Variants in CFLAR observed in about 807,000 individuals in gnomAD.
CFLAR encodes CASP8 and FADD-like apoptosis regulator.
CFLAR carries 14 observed loss-of-function variants against 51.1 expected under a neutral mutation model. The ratio of observed to expected loss-of-function variants is 0.27; its 90% CI spans 0.18 to 0.43. The LOEUF (loss-of-function observed/expected upper bound fraction) is 0.43, where lower values mean the gene tolerates loss of function less well. CFLAR is among the 20% of genes least tolerant of loss of function. The probability of loss-of-function intolerance (pLI) is 1.00; values close to 1 mark genes in which losing one functional copy is unlikely to be tolerated. For synonymous variants in CFLAR, 210 were observed against 211.6 expected, an observed-to-expected ratio of 0.99 and a Z score of 0.06; for missense variants, 390 against 566.5, an observed-to-expected ratio of 0.69 and a Z score of 3.16.
chr2:201,149,085 T>A, intron 7 of CFLAR, 33 bp downstream of exon 7: 1 of 1,414,400 alleles, frequency 7.1e-7, no homozygotes, highest in Non-Finnish European at 1.0e-6. Flanking sequence ...TGGTATTATA[T>A]GTACATAGCT....
chr2:201,156,201 C>T lies in CFLAR; in HGVS notation c.794-4231C>T, dbSNP rs770464696. On this transcript the variant is annotated intron_variant, in intron 8 of 9. Coordinates refer to ENST00000309955, the MANE Select transcript of CFLAR (RefSeq NM_003879.7). ...GGAACTTTGTAAAACAAGAGTTTTC[C>T]GGTCAAGTAAATTTGAGAAGCGCTG... Among the ~76,000 whole-genome samples the T allele has an allele frequency of 2.6e-5, 4 of 152,166 alleles. No individual in the cohort carries two copies. In the South Asian group the frequency reaches 6.2e-4, roughly 24 times the overall value.
chr2:201,137,099 A>C (rs2050227779), intron 4 of CFLAR: 1 of 179,030 alleles, frequency 5.6e-6, no homozygotes, highest in South Asian at 1.2e-4. Context: ...CTGAGGGGGC[A>C]GCGGCCTGGG....
In CFLAR at chr2:201,173,577, G is replaced by A. The variant is rs1372629677; in HGVS notation, c.*9604G>A. ...GGCTGGTCTCGAACTCCTGGCCTCA[G>A]GTGATCTGACTGCCTTGGCTTCCCA... On this transcript the variant is annotated 3_prime_UTR_variant, in exon 10 of 10. Transcript: ENST00000309955. 1 of 152,142 alleles carries A rather than the reference G, an allele frequency of 6.6e-6. No homozygotes were observed. The highest frequency in any genetic ancestry group is 2.4e-5 in the African/African-American group (1 of 41,408). 9.4% of individuals were successfully genotyped at this position (152,142 alleles called of 1,614,324 possible). A position where few individuals can be genotyped will look rare whatever the true frequency, so the allele number is the denominator to read the frequency against.
rs1379063436 is a variant in CFLAR at position 201,167,782 on chromosome 2, T to C, written c.*3809T>C. 6.6e-6 allele frequency: 1 copy of C among 152,202 alleles called. No homozygotes were observed. The highest frequency in any genetic ancestry group is 2.4e-5 in the African/African-American group (1 of 41,418). The allele number at this position is 152,202 out of a possible 1,614,324, so 9.4% of individuals were successfully genotyped here. ...GCCACACGTAGGGGTAGCTGGGTAG[T>C]GAGCAGCAAGAAGCCTTGTTGGATG... On this transcript the variant is annotated 3_prime_UTR_variant, in exon 10 of 10. Coordinates refer to ENST00000309955, the MANE Select transcript of CFLAR (RefSeq NM_003879.7).
Position 201,164,203 on chromosome 2 carries a change from C to A in CFLAR, c.*230C>A. 2 of 340,520 alleles carry A rather than the reference C, an allele frequency of 5.9e-6. No individual in the cohort carries two copies. The highest frequency in any genetic ancestry group is 5.4e-6 in the Non-Finnish European group (1 of 183,976). The allele number at this position is 340,520 out of a possible 1,614,324, so 21.1% of individuals were successfully genotyped here. A position where few individuals can be genotyped will look rare whatever the true frequency, so the allele number is the denominator to read the frequency against. On this transcript the variant is annotated 3_prime_UTR_variant, in exon 10 of 10. Transcript: ENST00000309955. Reference sequence around the variant, plus strand: ...TCTTTTGAACCCAGGAGTTCAGGGTCATAGCATGCTGTGATTGTGCCTACG... The same window carrying A: ...TCTTTTGAACCCAGGAGTTCAGGGTAATAGCATGCTGTGATTGTGCCTACG...
chr2:201,122,290 C>T (rs544898975), intron 1 of CFLAR, among the ~76,000 whole-genome samples: 1 of 152,380 alleles, frequency 6.6e-6, no homozygotes, highest in South Asian at 2.1e-4. Context: ...TTTAGAATCA[C>T]ATTGCAAGTC....
At position 201,140,365 on chromosome 2, in the gene CFLAR, G is replaced by A. The variant is rs766543869; in HGVS notation, c.532G>A (p.Ala178Thr). Residue 178 changes from alanine (A) to threonine (T), a missense_variant, in exon 5 of 10, where the codon GCA becomes ACA. By Grantham distance (58) the Ala-to-Thr change is moderately conservative. This residue lies in a region of CFLAR where 287 missense variants were observed against 363.6 expected (regional missense o/e 0.79). Coordinates refer to ENST00000309955, the MANE Select transcript of CFLAR (RefSeq NM_003879.7). ...CCCTTCTGCTTTTATAGTTCAAGGA[G>A]CAGGGACAAGTTACAGGAATGTTCT... ...IQKYKQSVQG[A>T]GTSYRNVLQA... 2 of 1,607,892 alleles carry A rather than the reference G, an allele frequency of 1.2e-6. No homozygotes were observed. The highest frequency in any genetic ancestry group is 2.7e-5 in the African/African-American group (2 of 74,660).
intron 1 of CFLAR, among the ~76,000 whole-genome samples, chr2:201,119,843 T>TG (rs551226019): frequency 2.2e-3 from 340 of 151,842 alleles, no homozygotes; most frequent in Non-Finnish European, 4.0e-3. Flanking sequence ...TTTAATGTTT[T>TG]TTTTTTTTTT....
At chr2:201,163,645 G>A in intron 9 of CFLAR, 190 bp from the exon 10 acceptor site, 1 of 1,390,382 alleles carries the variant, frequency 7.2e-7, no homozygotes, top group South Asian at 1.6e-5. Flanking sequence ...AGCCCCTTGA[G>A]GGAGGGGATG....
intron 1 of CFLAR, among the ~76,000 whole-genome samples, chr2:201,117,971 TC>T: frequency 6.6e-6 from 1 of 152,086 alleles, no homozygotes; most frequent in South Asian, 2.1e-4. Flanking sequence ...GTCAGTCTGG[TC>T]TCGAACTCCT....
chr2:201,129,851 T>C lies in CFLAR; in HGVS notation c.-15T>C. ...ACTGCAAGACCCTTGTGAGCTTCCC[T>C]AGTCTAAGAGTAGGATGTCTGCTGA... On this transcript the variant is annotated 5_prime_UTR_variant, in exon 2 of 10. The change abolishes the stop of an existing upstream ORF in the 5' untranslated region. Transcript: ENST00000309955. The C allele has an allele frequency of 1.2e-6, 2 of 1,611,906 alleles. No homozygotes were observed. Among genetic ancestry groups the C allele is most frequent in the Non-Finnish European group, 1.7e-6 (2 of 1,178,974 alleles).
intron 1 of CFLAR, chr2:201,129,487 A>G (rs930772446): frequency 5.5e-6 from 2 of 366,874 alleles, no homozygotes; most frequent in Non-Finnish European, 9.7e-6. Flanking sequence ...TTCCTTGCAG[A>G]TGAGTTCATC....
At chr2:201,161,753 T>C (rs1354225167) in intron 9 of CFLAR, among the ~76,000 whole-genome samples, 1 of 144,812 alleles carries the variant, frequency 6.9e-6, no homozygotes, top group East Asian at 2.0e-4. Context: ...TTTTTTTTTT[T>C]TTTTTTTTTT....
At position 201,163,726 on chromosome 2, in the gene CFLAR, A is replaced by T. The variant is rs533514217; in HGVS notation, c.1305-109A>T. 7.0e-5 allele frequency: 105 copies of T among 1,503,938 alleles called. No individual in the cohort carries two copies. In the Middle Eastern group the frequency reaches 7.1e-4, roughly 10 times the overall value. 93.2% of individuals were successfully genotyped at this position (1,503,938 alleles called of 1,614,324 possible). ...TAAGCAGCTTGTGGTGCCTTCAGAA[A>T]GGAACAGTTTCAAAGAACTTTCACA... On this transcript the variant is annotated intron_variant, in intron 9 of 9. Transcript: ENST00000309955.
rs200511289 is a variant in CFLAR, at chr2:201,176,289, G to T, written c.*12316G>T. 4 of 114,924 alleles carry T rather than the reference G, an allele frequency of 3.5e-5. No homozygotes were observed. Among genetic ancestry groups the T allele is most frequent in the Admixed American group, 8.3e-5 (1 of 11,992 alleles). The allele number at this position is 114,924 out of a possible 1,614,324, so 7.1% of individuals were successfully genotyped here. On this transcript the variant is annotated 3_prime_UTR_variant, in exon 10 of 10. Transcript: ENST00000309955. Reference sequence around the variant, plus strand: ...GGTGTTTTCTATTGCGGGGGGGGGGGGCGGGCGGGGGAGCTGCCTGTCCCT... The same window carrying T: ...GGTGTTTTCTATTGCGGGGGGGGGGTGCGGGCGGGGGAGCTGCCTGTCCCT...
In CFLAR at chr2:201,174,629, C is replaced by T. The variant is rs1944141285; in HGVS notation, c.*10656C>T. Reference sequence around the variant, plus strand: ...AACTCCTGGCCTCAAACAATCCTCCCACCTCCACCTCCCAAAGTGCTGAGG... The same window carrying T: ...AACTCCTGGCCTCAAACAATCCTCCTACCTCCACCTCCCAAAGTGCTGAGG... On this transcript the variant is annotated 3_prime_UTR_variant, in exon 10 of 10. Coordinates refer to ENST00000309955, the MANE Select transcript of CFLAR (RefSeq NM_003879.7). 1 of 152,232 alleles carries T rather than the reference C, an allele frequency of 6.6e-6. No homozygotes were observed. Among genetic ancestry groups the T allele is most frequent in the Non-Finnish European group, 1.5e-5 (1 of 68,100 alleles). The allele number at this position is 152,232 out of a possible 1,614,324, so 9.4% of individuals were successfully genotyped here.
At chr2:201,155,785 A>G (rs895286871) in intron 8 of CFLAR, among the ~76,000 whole-genome samples, 7 of 151,898 alleles carry the variant, frequency 4.6e-5, no homozygotes, top group Non-Finnish European at 4.4e-5. Flanking sequence ...CACCACATCC[A>G]TCTAATTTTT....
At position 201,164,883 on chromosome 2, in the gene CFLAR, T is replaced by C. The variant is rs1943390835; in HGVS notation, c.*910T>C. ...ATATCTGGTGTCTGGTAAGGCATGC[T>C]TCCAGATCTTACCAGATGTCAGTCT... On this transcript the variant is annotated 3_prime_UTR_variant, in exon 10 of 10. Transcript: ENST00000309955. The C allele has an allele frequency of 6.6e-6, 1 of 152,172 alleles. No individual in the cohort carries two copies. The highest frequency in any genetic ancestry group is 1.5e-5 in the Non-Finnish European group (1 of 68,042). 9.4% of individuals were successfully genotyped at this position (152,172 alleles called of 1,614,324 possible).
chr2:201,140,770 T>C (rs111514180), intron 5 of CFLAR: 3 of 160,876 alleles, frequency 1.9e-5, no homozygotes, highest in South Asian at 1.8e-4. Flanking sequence ...TATATATATA[T>C]ATATATACAT....
Sources: gnomAD v4.1 joint callset for allele counts (sites outside exome capture counted in the v4.1 genomes callset) on GRCh38, gnomAD v4.1.1 for gene constraint, gnomAD v4.1.1 regional missense constraint, MANE v1.5 for transcripts, NCBI Gene and HGNC (gene_info 2026-07-23, HGNC 2026-07-21) for gene names.